Variants in UQCRC1 observed in about 807,000 individuals in gnomAD.
The protein encoded by UQCRC1 is ubiquinol-cytochrome c reductase core protein 1, also known as cytochrome b-c1 complex subunit 1, mitochondrial.
UQCRC1 carries 34 observed loss-of-function variants against 58.0 expected under a neutral mutation model. The observed-to-expected ratio is 0.59, with a 90% CI of 0.45 to 0.78. The LOEUF (loss-of-function observed/expected upper bound fraction) is 0.78, where lower values mean the gene tolerates loss of function less well. Ranked by LOEUF, UQCRC1 falls within the 30% of genes least tolerant of loss-of-function variation. UQCRC1 has a pLI of 0.00. For missense variants in UQCRC1, 610 were observed against 646.0 expected, an observed-to-expected ratio of 0.94 and a Z score of 0.60; for synonymous variants, 276 against 248.8, an observed-to-expected ratio of 1.11 and a Z score of -1.03.
At chr3:48,607,501 A>G (rs1043741390) in intron 2 of UQCRC1, among the ~76,000 whole-genome samples, 3 of 151,272 alleles carry the variant, frequency 2.0e-5, no homozygotes, top group African/African-American at 7.3e-5. Context: ...GTATAAATTT[A>G]TGGGGTACAA....
In UQCRC1 at chr3:48,602,151, C is replaced by T. The variant is rs370567397; in HGVS notation, c.707-684G>A. ...CTGCAAGCTCCACCTCCCGGGTCCA[C>T]GCCATTCTCCTGCCTCAGCCTCCCG... is the stretch of plus-strand genomic sequence containing the variant. On this transcript the variant is annotated intron_variant, in intron 6 of 12. Transcript: ENST00000203407. Among the ~76,000 whole-genome samples the T allele has an allele frequency of 3.0e-3, 460 of 152,014 alleles. 5 individuals carry two copies. The highest frequency in any genetic ancestry group is 0.011 in the African/African-American group (439 of 41,432).
At chr3:48,608,899 C>A (rs902880600) in intron 2 of UQCRC1, among the ~76,000 whole-genome samples, 4 of 152,222 alleles carry the variant, frequency 2.6e-5, no homozygotes, top group African/African-American at 9.6e-5. Context: ...CTTATATGGG[C>A]TCCTTAACAA....
At position 48,609,329 on chromosome 3, in the gene UQCRC1, G is replaced by A. The variant is rs537985826; in HGVS notation, c.70-27C>T. 4.4e-6 allele frequency: 7 copies of A among 1,592,486 alleles called. No homozygotes were observed. In the African/African-American group the frequency reaches 6.7e-5, roughly 15 times the overall value. ...TGTGGAAGGGAACAGCCGCGAGTGA[G>A]GACTCGGTCAGGGGATCGCTCCCCA... On this transcript the variant is annotated intron_variant, in intron 1 of 12. Transcript: ENST00000203407.
chr3:48,605,501 C>T (rs2046403365), intron 3 of UQCRC1, among the ~76,000 whole-genome samples: 2 of 152,184 alleles, frequency 1.3e-5, no homozygotes, highest in Admixed American at 6.5e-5. Context: ...TGCATATCTA[C>T]GTGTGTTCCA....
chr3:48,600,932 C>G (rs569558027), intron 8 of UQCRC1, 43 bp downstream of exon 8: 1 of 1,602,854 alleles, frequency 6.2e-7, no homozygotes, highest in Non-Finnish European at 8.5e-7. Flanking sequence ...CCAGCACCCT[C>G]TCTTCCCTGA....
At chr3:48,606,564 T>C (rs934923278) in intron 2 of UQCRC1, among the ~76,000 whole-genome samples, 5 of 152,030 alleles carry the variant, frequency 3.3e-5, no homozygotes, top group Non-Finnish European at 7.4e-5. Context: ...CTGGCCAATA[T>C]AGTGAAACCC....
chr3:48,604,262 C>A lies in UQCRC1; in HGVS notation c.597G>T (p.Gln199His), dbSNP rs1428667996. 1 of 1,612,964 alleles carries A rather than the reference C, an allele frequency of 6.2e-7. No homozygotes were observed. ...ATAFQGTPLA[Q>H]AVEGPSENVR... ...CATTCTCACTGGGCCCCTCCACAGC[C>A]TGGGCTAGAGGTGTGCCCTGGAATG... is the stretch of plus-strand genomic sequence containing the variant. The change falls in exon 5 of 13, where the codon CAG becomes CAT. Residue 199 changes from glutamine (Q) to histidine (H), a missense_variant. By Grantham distance (24) the Gln-to-His change is conservative (BLOSUM62 0). Transcript: ENST00000203407.
intron 6 of UQCRC1, among the ~76,000 whole-genome samples, chr3:48,603,213 G>A (rs555779420): frequency 3.3e-5 from 5 of 152,302 alleles, no homozygotes; most frequent in African/African-American, 9.6e-5. Flanking sequence ...TATCAGGCAT[G>A]CATCAACACA....
In UQCRC1 at chr3:48,609,251, C is replaced by G. The variant is rs1312286768; in HGVS notation, c.121G>C (p.Ala41Pro). The G allele has an allele frequency of 1.9e-6, 3 of 1,611,436 alleles. No homozygotes were observed. The highest frequency in any genetic ancestry group is 1.3e-5 in the African/African-American group (1 of 74,942). The change falls in exon 2 of 13, where the codon GCG becomes CCG. Residue 41 changes from alanine (A) to proline (P), a missense_variant. Ala to Pro is a conservative substitution (Grantham distance 27, BLOSUM62 -1). Transcript: ENST00000203407. Reference protein sequence around the residue: ...ALRSTATFAQALQFVPETQVS... With the variant: ...ALRSTATFAQPLQFVPETQVS... ...TGCGTCTCCGGCACGAACTGGAGCGCCTGAGCGAAGGTTGCCGTACTCCGC... is the reference window on the plus strand; with the variant it reads ...TGCGTCTCCGGCACGAACTGGAGCGGCTGAGCGAAGGTTGCCGTACTCCGC...
rs1559457047 is a variant in UQCRC1 at position 48,604,566 on chromosome 3, AT to A, written c.427+84del. 4.4e-6 allele frequency: 7 copies of A among 1,600,500 alleles called. No individual in the cohort carries two copies. In the East Asian group the frequency reaches 1.6e-4, roughly 36 times the overall value. On this transcript the variant is annotated intron_variant, in intron 4 of 12. Coordinates refer to ENST00000203407, the MANE Select transcript of UQCRC1 (RefSeq NM_003365.3). ...TGCAAAGCCATACGCTAAGGGTAAT[AT>A]GATTCTGTGGTCAGCCAGGGGCTCC... is the stretch of plus-strand genomic sequence containing the variant.
chr3:48,600,445 T>A, intron 10 of UQCRC1, 37 bp downstream of exon 10: 1 of 1,611,368 alleles, frequency 6.2e-7, no homozygotes, highest in Non-Finnish European at 8.5e-7. Context: ...GCTGGCAAGA[T>A]GTACTCTACC....
In UQCRC1 at chr3:48,609,147, G is replaced by A. The variant is rs1024120777; in HGVS notation, c.210+15C>T. 8.8e-6 allele frequency: 14 copies of A among 1,596,260 alleles called. No homozygotes were observed. The highest frequency in any genetic ancestry group is 1.1e-5 in the Non-Finnish European group (13 of 1,167,124). ...CAACCTGGAGGCCCTCTCCCCAAAAGCGTCCCCAACTCACCGTGCAAGTGG... is the reference window on the plus strand; with the variant it reads ...CAACCTGGAGGCCCTCTCCCCAAAAACGTCCCCAACTCACCGTGCAAGTGG... On this transcript the variant is annotated intron_variant, in intron 2 of 12. Coordinates refer to ENST00000203407, the MANE Select transcript of UQCRC1 (RefSeq NM_003365.3).
chr3:48,605,676 A>G, intron 3 of UQCRC1, 94 bp downstream of exon 3: 3 of 1,245,028 alleles, frequency 2.4e-6, no homozygotes, highest in Non-Finnish European at 3.4e-6. Context: ...CCCGCAACTG[A>G]GGCCCATAAT....
chr3:48,605,149 G>A (rs532138326), intron 3 of UQCRC1, among the ~76,000 whole-genome samples: 19 of 152,308 alleles, frequency 1.2e-4, no homozygotes, highest in Middle Eastern at 3.4e-3. Context: ...TCAAGTGATA[G>A]AACCCACTCC....
rs1476654474 is a variant in UQCRC1, at chr3:48,601,034, C to A, written c.907G>T (p.Ala303Ser). ...GPGWASPDNVALQVANAIIGH... is the reference protein window; with the variant it reads ...GPGWASPDNVSLQVANAIIGH... Reference sequence around the variant, plus strand: ...ATGATGGCATTGGCCACTTGCAAGGCCACATTGTCCGGGCTGGCCCAGCCA... The same window carrying A: ...ATGATGGCATTGGCCACTTGCAAGGACACATTGTCCGGGCTGGCCCAGCCA... Residue 303 changes from alanine to serine, a missense_variant, in exon 8 of 13, where the codon GCC (alanine) becomes TCC (serine). By Grantham distance (99) the Ala-to-Ser change is moderately conservative. Coordinates refer to ENST00000203407, the MANE Select transcript of UQCRC1 (RefSeq NM_003365.3). 6.2e-7 allele frequency: 1 copy of A among 1,609,598 alleles called. No individual in the cohort carries two copies. Among genetic ancestry groups the A allele is most frequent in the East Asian group, 2.2e-5 (1 of 44,706 alleles).
chr3:48,602,207 C>T (rs999852115), intron 6 of UQCRC1, among the ~76,000 whole-genome samples: 1 of 152,022 alleles, frequency 6.6e-6, no homozygotes. Context: ...CCCGCCACCA[C>T]GCCTGGCTAA....
intron 2 of UQCRC1, among the ~76,000 whole-genome samples, chr3:48,606,584 T>C (rs1247790760): frequency 1.3e-5 from 2 of 152,002 alleles, no homozygotes; most frequent in African/African-American, 4.8e-5. Flanking sequence ...CTGTCTCTAC[T>C]AAAAATACAA....
At chr3:48,608,664 T>C (rs1229093151) in intron 2 of UQCRC1, among the ~76,000 whole-genome samples, 1 of 152,236 alleles carries the variant, frequency 6.6e-6, no homozygotes, top group African/African-American at 2.4e-5. Context: ...CATATATCTA[T>C]CTGTGACTCA....
intron 10 of UQCRC1, 111 bp downstream of exon 10, chr3:48,600,371 T>C: frequency 1.5e-6 from 2 of 1,354,892 alleles, no homozygotes; most frequent in Non-Finnish European, 2.1e-6. Flanking sequence ...GGGCATGGCG[T>C]GGTCTTCAAA....
Sources: gnomAD v4.1 joint callset for allele counts (sites outside exome capture counted in the v4.1 genomes callset) on GRCh38, gnomAD v4.1.1 for gene constraint, MANE v1.5 for transcripts, NCBI Gene and HGNC (gene_info 2026-07-23, HGNC 2026-07-21) for gene names.